GREB1: variants seen among roughly 807,000 people sequenced by gnomAD.
GREB1 encodes protein GREB1.
A neutral mutation model predicts 200.7 loss-of-function variants in GREB1; 106 were observed. The observed-to-expected ratio is 0.53, with a 90% CI of 0.45 to 0.62. GREB1 has a LOEUF of 0.62. Among genes scored for constraint, GREB1 ranks in the 20% least tolerant of loss-of-function variants. GREB1 has a pLI of 0.00. For missense variants in GREB1, 2,243 were observed against 2,556.8 expected (o/e 0.88, Z 2.65); for synonymous variants, 1,132 against 1,092.4 (o/e 1.04, Z -0.72).
At chr2:11,563,807 G>T (rs545801221) in intron 3 of GREB1, among the ~76,000 whole-genome samples, 19 of 152,328 alleles carry the variant, frequency 1.2e-4, no homozygotes, top group African/African-American at 4.3e-4. Context: ...AGCAGTAATT[G>T]AAGTAATTAT....
In GREB1 at chr2:11,493,163, T is replaced by G. The variant is rs1672807310; in HGVS notation, c.-159+10782T>G. Among the ~76,000 whole-genome samples the G allele has an allele frequency of 6.6e-6, 1 of 152,238 alleles. No individual in the cohort carries two copies. The highest frequency in any genetic ancestry group is 1.5e-5 in the Non-Finnish European group (1 of 68,020). ...CCTCCACTTCATGTTGTCCATAGGC[T>G]TGTGGAAACTGCGACATGAAGGGAA... On this transcript the variant is annotated intron_variant, in intron 1 of 2. Transcript: ENST00000628795. The surrounding 1 kb of genome is among the most constrained non-coding windows in gnomAD (Gnocchi z 4.6).
At position 11,625,173 on chromosome 2, in the gene GREB1, C is replaced by T. The variant is rs2148393266; in HGVS notation, c.4167C>T (p.Asp1389=). ...TTGTAGACCTCAGAGAAGAATCTGA[C>T]TGGCATTATCTCCAGCTTAGCGACC... is the stretch of plus-strand genomic sequence containing the variant. ...EININLREES[D]WHYLQLSDPW... is the part of the protein sequence containing the mutation. The change falls in exon 24 of 33, where the codon GAC becomes GAT. Residue 1389 remains aspartate, a synonymous_variant. Coordinates refer to ENST00000381486, the MANE Select transcript of GREB1 (RefSeq NM_014668.4). The T allele has an allele frequency of 6.2e-7, 1 of 1,613,750 alleles. No individual in the cohort carries two copies. Among genetic ancestry groups the T allele is most frequent in the Non-Finnish European group, 8.5e-7 (1 of 1,179,626 alleles).
intron 1 of GREB1, among the ~76,000 whole-genome samples, chr2:11,523,212 A>T (rs35592769): frequency 0.45 from 67,707 of 151,812 alleles, 18,639 homozygotes; most frequent in South Asian, 0.66. Flanking sequence ...GGAACAACAG[A>T]TACTGGGGCC....
In GREB1 at chr2:11,578,417, G is replaced by A. The variant is rs761556222; in HGVS notation, c.758G>A (p.Gly253Glu). Residue 253 changes from glycine (G) to glutamate (E), a missense_variant, in exon 6 of 33, where the codon GGA becomes GAA. Gly to Glu is a moderately conservative substitution (Grantham distance 98, BLOSUM62 -2). Around this residue, in one of 3 missense-constraint regions of GREB1, gnomAD observed 1,178 missense variants for 1,387.4 expected, o/e 0.85. Transcript: ENST00000381486. ...VPGTNPSILM[G>E]AQQAGPASDH... ...GGGACGAACCCCAGCATCCTGATGG[G>A]AGCTCAGCAGGCAGGTGAGGTGGTG... is the stretch of plus-strand genomic sequence containing the variant. 1.3e-5 allele frequency: 21 copies of A among 1,613,860 alleles called. No individual in the cohort carries two copies. In the Admixed American group the frequency reaches 1.8e-4, roughly 14 times the overall value.
chr2:11,604,354 A>G (rs917931419), intron 17 of GREB1, among the ~76,000 whole-genome samples: 5 of 152,190 alleles, frequency 3.3e-5, no homozygotes, highest in Non-Finnish European at 7.3e-5. Context: ...TAACACCTAC[A>G]TCATAGAGGT....
intron 25 of GREB1, among the ~76,000 whole-genome samples, chr2:11,627,872 G>T (rs1684595103): frequency 6.6e-6 from 1 of 152,202 alleles, no homozygotes; most frequent in Admixed American, 6.5e-5. Flanking sequence ...GTCGGGAGCG[G>T]AAGAGAGAAG....
At chr2:11,619,515 T>C (rs1215343551) in intron 22 of GREB1, among the ~76,000 whole-genome samples, 2 of 152,198 alleles carry the variant, frequency 1.3e-5, no homozygotes, top group Admixed American at 1.3e-4. Flanking sequence ...ATATTACTTT[T>C]TCTGATTTAA....
rs377652092 is a variant in GREB1 at position 11,618,869 on chromosome 2, C to T, written c.3994C>T (p.Arg1332Cys). 4.4e-5 allele frequency: 70 copies of T among 1,576,830 alleles called. No homozygotes were observed. Among genetic ancestry groups the T allele is most frequent in the Middle Eastern group, 1.7e-4 (1 of 5,970 alleles). Residue 1332 changes from arginine to cysteine, a missense_variant, in exon 22 of 33, where the codon CGC becomes TGC. Physicochemically the swap from Arg to Cys is radical, Grantham distance 180. This residue lies in a region of GREB1 where 587 missense variants were observed against 553.1 expected (regional missense o/e 1.06). Transcript: ENST00000381486. Reference protein sequence around the residue: ...HMDYGNRAEGRVDGFHPRRLL... With the variant: ...HMDYGNRAEGCVDGFHPRRLL... ...GGACTACGGCAACCGGGCCGAGGGCCGCGTGGACGGCTTCCACCCCCGCAG... is the reference window on the plus strand; with the variant it reads ...GGACTACGGCAACCGGGCCGAGGGCTGCGTGGACGGCTTCCACCCCCGCAG...
chr2:11,580,174 G>C lies in GREB1; in HGVS notation c.773-530G>C, dbSNP rs1443898810. Among the ~76,000 whole-genome samples, 1 of 152,078 alleles carries C rather than the reference G, an allele frequency of 6.6e-6. No individual in the cohort carries two copies. On this transcript the variant is annotated intron_variant, in intron 6 of 32. Transcript: ENST00000381486. The surrounding 1 kb of genome is among the most constrained non-coding windows in gnomAD (Gnocchi z 4.5). ...CACCCCCATGATTCAATTACCTCCC[G>C]CCAGGTCCCTCCCACGACACAGGGG...
chr2:11,489,270 A>T (rs1218680134), intron 1 of GREB1, among the ~76,000 whole-genome samples: 3 of 152,112 alleles, frequency 2.0e-5, no homozygotes, highest in Non-Finnish European at 4.4e-5. Flanking sequence ...ACCTGGTGAA[A>T]CCCCGTCTCT....
chr2:11,630,142 A>C (rs1463423269), intron 26 of GREB1, 33 bp downstream of exon 26: 1 of 1,609,768 alleles, frequency 6.2e-7, no homozygotes, highest in Admixed American at 1.7e-5. Flanking sequence ...GGACAGATCC[A>C]AGTGGCTTCA....
At chr2:11,529,124 TA>T (rs1156269996), upstream of GREB1, among the ~76,000 whole-genome samples, 1 of 152,178 alleles carries the variant, frequency 6.6e-6, no homozygotes, top group African/African-American at 2.4e-5. Flanking sequence ...AAATCTGTAT[TA>T]AACCTGTAAA....
intron 22 of GREB1, among the ~76,000 whole-genome samples, chr2:11,619,552 C>T (rs1019613295): frequency 2.6e-5 from 4 of 152,172 alleles, no homozygotes; most frequent in Admixed American, 6.5e-5. Context: ...TGTTTCTTAC[C>T]AAGGAGTCTC....
At chr2:11,574,355 G>T (rs1678622302) in intron 4 of GREB1, among the ~76,000 whole-genome samples, 2 of 152,222 alleles carry the variant, frequency 1.3e-5, no homozygotes, top group Admixed American at 6.5e-5. Flanking sequence ...GCTACAGGAA[G>T]AGTCTGGAAG....
rs982363282 is a variant in GREB1 at position 11,585,800 on chromosome 2, G to C, written c.1054G>C (p.Val352Leu). Reference protein sequence around the residue: ...GMSCVPQVGLVGPASVTFPVV... With the variant: ...GMSCVPQVGLLGPASVTFPVV... Reference sequence around the variant, plus strand: ...GTCCTGCGTGCCGCAGGTTGGCTTGGTGGGACCAGCTTCAGTCACCTTTCC... The same window carrying C: ...GTCCTGCGTGCCGCAGGTTGGCTTGCTGGGACCAGCTTCAGTCACCTTTCC... Residue 352 changes from valine to leucine, a missense_variant, in exon 9 of 33, where the codon GTG (valine) becomes CTG (leucine). Transcript: ENST00000381486. The C allele has an allele frequency of 1.9e-5, 31 of 1,613,658 alleles. No homozygotes were observed. Among genetic ancestry groups the C allele is most frequent in the Non-Finnish European group, 2.5e-5 (30 of 1,180,032 alleles).
Position 11,626,977 on chromosome 2 carries a change from G to T in GREB1, c.4322G>T (p.Arg1441Leu), listed in dbSNP as rs182087384. ...GIKSEDRGMS[R>L]KPEDLYVRRQ... is the part of the protein sequence containing the mutation. ...TTTGGTGCAGACAGAGGGATGTCCC[G>T]GAAGCCGGAGGACCTTTATGTGCGG... Residue 1441 changes from arginine to leucine, a missense_variant, in exon 25 of 33, where the codon CGG becomes CTG. Physicochemically the swap from Arg to Leu is moderately radical, Grantham distance 102. Coordinates refer to ENST00000381486, the MANE Select transcript of GREB1 (RefSeq NM_014668.4). 9.3e-6 allele frequency: 15 copies of T among 1,614,100 alleles called. No homozygotes were observed. Among genetic ancestry groups the T allele is most frequent in the African/African-American group, 1.3e-5 (1 of 75,026 alleles).
intron 19 of GREB1, among the ~76,000 whole-genome samples, chr2:11,613,293 T>C (rs1159842792): frequency 1.3e-5 from 2 of 152,040 alleles, no homozygotes; most frequent in Non-Finnish European, 2.9e-5. Context: ...TAGTGACAGA[T>C]TGGGTTTTAG....
chr2:11,585,430 A>AGAG (rs548110877), intron 8 of GREB1, among the ~76,000 whole-genome samples, 156 bp downstream of exon 8: 2 of 152,382 alleles, frequency 1.3e-5, no homozygotes, highest in South Asian at 4.1e-4. Context: ...TTGGTGTGAC[A>AGAG]AAAGACCTCT....
In GREB1 at chr2:11,603,810, G is replaced by A. The variant is rs12612145; in HGVS notation, c.2666+1268G>A. Among the ~76,000 whole-genome samples, 11 of 152,362 alleles carry A rather than the reference G, an allele frequency of 7.2e-5. No homozygotes were observed. The East Asian group carries it at 1.5e-3, about 21-fold the overall frequency. ...ACAGTGAGCACACATGATGTGTTTA[G>A]TATGTTGTAGACACTGGGCTCAGCA... On this transcript the variant is annotated intron_variant, in intron 17 of 32. Coordinates refer to ENST00000381486, the MANE Select transcript of GREB1 (RefSeq NM_014668.4).
Sources: gnomAD v4.1 joint callset for allele counts (sites outside exome capture counted in the v4.1 genomes callset) on GRCh38, gnomAD v4.1.1 for gene constraint, gnomAD v4.1.1 regional missense constraint, Gnocchi (gnomAD v3.1) non-coding constraint, MANE v1.5 for transcripts, NCBI Gene and HGNC (gene_info 2026-07-23, HGNC 2026-07-21) for gene names.